The following NCAM2 variants were observed in gnomAD, a reference collection of about 807,000 sequenced individuals.
The protein encoded by NCAM2 is neural cell adhesion molecule 2.
NCAM2 carries 30 observed loss-of-function variants against 98.1 expected under a neutral mutation model. The ratio of observed to expected loss-of-function variants is 0.31; its 90% CI spans 0.23 to 0.41. The LOEUF (loss-of-function observed/expected upper bound fraction) is 0.41. Among genes scored for constraint, NCAM2 ranks in the 10% least tolerant of loss-of-function variants. The pLI is 1.00. For synonymous variants in NCAM2, 368 were observed against 342.4 expected (o/e 1.07, Z -0.83); for missense variants, 867 against 1,005.8 (o/e 0.86, Z 1.87).
At chr21:21,337,235 A>C (rs915795943) in intron 7 of NCAM2, among the ~76,000 whole-genome samples, 1 of 152,120 alleles carries the variant, frequency 6.6e-6, no homozygotes, top group Non-Finnish European at 1.5e-5. Context: ...GATTGCAGTG[A>C]AAAAGAAAAA....
chr21:21,063,105 G>A (rs781362666), intron 1 of NCAM2, among the ~76,000 whole-genome samples: 1 of 151,530 alleles, frequency 6.6e-6, no homozygotes, highest in Non-Finnish European at 1.5e-5. Context: ...CCTAATGCTG[G>A]CAAAACCAGT....
At position 21,411,123 on chromosome 21, in the gene NCAM2, T is replaced by TACACATATATGTATATATATAC. The variant is rs2076871075; in HGVS notation, c.1383+672_1383+673insGTATATATATACACACATATAT. Among the ~76,000 whole-genome samples, 2 of 60,826 alleles carry TACACATATATGTATATATATAC rather than the reference T, an allele frequency of 3.3e-5. 1 individual carries two copies. Among genetic ancestry groups the TACACATATATGTATATATATAC allele is most frequent in the African/African-American group, 1.2e-4 (2 of 16,394 alleles). The allele number at this position is 60,826 out of a possible 152,430, so 39.9% of individuals were successfully genotyped here. A position where few individuals can be genotyped will look rare whatever the true frequency, so the allele number is the denominator to read the frequency against. On this transcript the variant is annotated intron_variant, in intron 10 of 17. Coordinates refer to ENST00000400546, the MANE Select transcript of NCAM2 (RefSeq NM_004540.5). ...ATATACATATATATGTATATATATATACACATATATATGTATATATATATA... is the reference window on the plus strand; with the variant it reads ...ATATACATATATATGTATATATATATACACATATATGTATATATATACACACATATATATGTATATATATATA...
chr21:21,025,090 CT>C (rs750037334), intron 1 of NCAM2, among the ~76,000 whole-genome samples: 2,006 of 145,986 alleles, frequency 0.014, 31 homozygotes, highest in African/African-American at 0.042. Flanking sequence ...AGGACTATAA[CT>C]TTTTTTTTTT....
At chr21:21,020,537 A>C (rs1343972912) in intron 1 of NCAM2, among the ~76,000 whole-genome samples, 1 of 152,144 alleles carries the variant, frequency 6.6e-6, no homozygotes, top group African/African-American at 2.4e-5. Flanking sequence ...GCAGCATTTC[A>C]CAGCGTGACC....
chr21:21,454,682 T>TA (rs1324949663), intron 12 of NCAM2, among the ~76,000 whole-genome samples: 3 of 151,982 alleles, frequency 2.0e-5, no homozygotes, highest in African/African-American at 7.2e-5. Flanking sequence ...GATCCTAGGT[T>TA]AAAAAACATA....
chr21:21,163,696 A>G (rs2067861498), intron 1 of NCAM2, among the ~76,000 whole-genome samples: 1 of 152,146 alleles, frequency 6.6e-6, no homozygotes, highest in African/African-American at 2.4e-5. Flanking sequence ...AGTGTCAGGA[A>G]CCGTTCTCAG....
intron 1 of NCAM2, among the ~76,000 whole-genome samples, chr21:21,155,965 T>C (rs1260661101): frequency 6.6e-6 from 1 of 152,064 alleles, no homozygotes; most frequent in Non-Finnish European, 1.5e-5. Context: ...ACCACTATCA[T>C]ACCCCTTCAT....
At chr21:21,343,897 A>C (rs1253178253) in intron 8 of NCAM2, among the ~76,000 whole-genome samples, 2 of 152,186 alleles carry the variant, frequency 1.3e-5, no homozygotes, top group Non-Finnish European at 2.9e-5. Context: ...GGAATGTGAC[A>C]TACAGATACA....
chr21:21,003,373 A>G (rs1403425922), intron 1 of NCAM2, among the ~76,000 whole-genome samples: 1 of 152,156 alleles, frequency 6.6e-6, no homozygotes, highest in African/African-American at 2.4e-5. Flanking sequence ...ATTTATTACA[A>G]CTCACAGGGA....
intron 1 of NCAM2, among the ~76,000 whole-genome samples, chr21:21,231,471 A>G (rs780161265): frequency 1.2e-4 from 18 of 151,448 alleles, no homozygotes; most frequent in South Asian, 4.1e-4. Flanking sequence ...TTGGCTTATT[A>G]TAAGTATAAT....
chr21:21,408,846 TA>T (rs1441551030), intron 9 of NCAM2, among the ~76,000 whole-genome samples: 1 of 152,048 alleles, frequency 6.6e-6, no homozygotes, highest in East Asian at 1.9e-4. Context: ...AGATTGTCAT[TA>T]AAAACATTCA....
At chr21:21,362,382 T>A (rs2075667912) in intron 8 of NCAM2, among the ~76,000 whole-genome samples, 1 of 148,312 alleles carries the variant, frequency 6.7e-6, no homozygotes, top group African/African-American at 2.5e-5. Flanking sequence ...CTGCTTTTCC[T>A]CATATTCTAC....
At chr21:21,087,014 C>T (rs2065918119) in intron 1 of NCAM2, among the ~76,000 whole-genome samples, 1 of 150,922 alleles carries the variant, frequency 6.6e-6, no homozygotes, top group South Asian at 2.1e-4. Flanking sequence ...AACATTGTAA[C>T]CTGTCTTCCC....
chr21:21,042,002 G>A (rs555635156), intron 1 of NCAM2, among the ~76,000 whole-genome samples: 36 of 152,222 alleles, frequency 2.4e-4, no homozygotes, highest in African/African-American at 7.7e-4. Flanking sequence ...GCCAACTTTC[G>A]TTAATTTTAA....
At chr21:21,319,682 G>A (rs1475961845) in intron 5 of NCAM2, among the ~76,000 whole-genome samples, 1 of 132,858 alleles carries the variant, frequency 7.5e-6, no homozygotes, top group East Asian at 2.3e-4. Context: ...AAAATGAAAA[G>A]GTCAATAATT....
At chr21:21,119,865 A>G (rs1277138243) in intron 1 of NCAM2, among the ~76,000 whole-genome samples, 1 of 152,208 alleles carries the variant, frequency 6.6e-6, no homozygotes, top group Non-Finnish European at 1.5e-5. Context: ...TTGAAACATT[A>G]ATAGATAAGT....
intron 1 of NCAM2, among the ~76,000 whole-genome samples, chr21:21,166,074 G>T (rs1000201405): frequency 6.6e-6 from 1 of 152,140 alleles, no homozygotes; most frequent in South Asian, 2.1e-4. Context: ...CTGCTTAATA[G>T]CTTTTCAGGC....
At chr21:21,183,708 A>G (rs1344776673) in intron 1 of NCAM2, among the ~76,000 whole-genome samples, 1 of 152,162 alleles carries the variant, frequency 6.6e-6, no homozygotes, top group African/African-American at 2.4e-5. Context: ...AATTCGTATG[A>G]TTATAATGTA....
At chr21:21,422,259 A>G (rs1217782662) in intron 11 of NCAM2, among the ~76,000 whole-genome samples, 6 of 152,186 alleles carry the variant, frequency 3.9e-5, no homozygotes, top group African/African-American at 1.4e-4. Context: ...GGAGCTTAAC[A>G]GTGTGTACAC....
Sources: gnomAD v4.1 joint callset for allele counts (sites outside exome capture counted in the v4.1 genomes callset) on GRCh38, gnomAD v4.1.1 for gene constraint, MANE v1.5 for transcripts, NCBI Gene and HGNC (gene_info 2026-07-23, HGNC 2026-07-21) for gene names.